The following PLEKHO2 variants were observed in gnomAD, a reference collection of about 807,000 sequenced individuals.
PLEKHO2 encodes the protein pleckstrin homology domain containing O2, also known as pleckstrin homology domain-containing family O member 2.
In PLEKHO2, 20 loss-of-function variants were observed where a neutral mutation model predicts 32.7. The ratio of observed to expected loss-of-function variants is 0.61; its 90% CI spans 0.43 to 0.89. PLEKHO2 has a LOEUF of 0.89. PLEKHO2 is among the 40% of genes least tolerant of loss of function. The pLI is 0.00. For synonymous variants in PLEKHO2, 247 were observed against 246.3 expected, an observed-to-expected ratio of 1.00 and a Z score of -0.03; for missense variants, 568 against 621.2, an observed-to-expected ratio of 0.91 and a Z score of 0.91.
At chr15:64,844,966 A>G (rs888222910) in intron 1 of PLEKHO2, among the ~76,000 whole-genome samples, 1 of 152,144 alleles carries the variant, frequency 6.6e-6, no homozygotes, top group African/African-American at 2.4e-5. Context: ...CCCACCTCAG[A>G]CTGAAGGTTG....
At chr15:64,857,523 T>C (rs1024552021) in intron 3 of PLEKHO2, among the ~76,000 whole-genome samples, 7 of 152,168 alleles carry the variant, frequency 4.6e-5, no homozygotes, top group Non-Finnish European at 7.4e-5. Flanking sequence ...TTTGTAGAGA[T>C]GGGGTCTCAC....
At chr15:64,846,971 A>G (rs940819114) in intron 1 of PLEKHO2, among the ~76,000 whole-genome samples, 1 of 152,262 alleles carries the variant, frequency 6.6e-6, no homozygotes, top group Non-Finnish European at 1.5e-5. Flanking sequence ...AGGAGTGAAC[A>G]AAACAAAAAT....
At chr15:64,861,733 C>T (rs1033942916) in intron 5 of PLEKHO2, among the ~76,000 whole-genome samples, 158 bp downstream of exon 5, 3 of 152,156 alleles carry the variant, frequency 2.0e-5, no homozygotes, top group African/African-American at 4.8e-5. Context: ...CTGTGTTACA[C>T]GTGCTCAGGG....
At chr15:64,848,450 C>T (rs1199521689) in intron 1 of PLEKHO2, 143 bp from the exon 2 acceptor site, 39 of 889,318 alleles carry the variant, frequency 4.4e-5, no homozygotes, top group Non-Finnish European at 6.6e-5. Context: ...GGAATATCTG[C>T]CTTGGGGGTT....
chr15:64,856,415 G>T (rs774275999), intron 3 of PLEKHO2, among the ~76,000 whole-genome samples: 4 of 152,102 alleles, frequency 2.6e-5, no homozygotes, highest in Non-Finnish European at 5.9e-5. Flanking sequence ...ATGTGGATGT[G>T]GGGTGGAGGG....
At position 64,865,734 on chromosome 15, in the gene PLEKHO2, C is replaced by T; in HGVS notation, c.1319C>T (p.Ala440Val). Residue 440 changes from alanine to valine, a missense_variant, in exon 6 of 6, where the codon GCC becomes GTC. Ala to Val is a moderately conservative substitution (Grantham distance 64, BLOSUM62 0). Coordinates refer to ENST00000323544, the MANE Select transcript of PLEKHO2 (RefSeq NM_025201.5). ...VLGSEPAPVS[A>V]ETLLSQAVEQ... Reference sequence around the variant, plus strand: ...GGCAGTGAGCCGGCCCCTGTTAGTGCCGAAACATTGCTCAGCCAGGCTGTG... The same window carrying T: ...GGCAGTGAGCCGGCCCCTGTTAGTGTCGAAACATTGCTCAGCCAGGCTGTG... The T allele has an allele frequency of 3.1e-6, 5 of 1,614,194 alleles. No homozygotes were observed. The highest frequency in any genetic ancestry group is 4.2e-6 in the Non-Finnish European group (5 of 1,180,018).
chr15:64,853,545 C>T (rs902819669), intron 2 of PLEKHO2, among the ~76,000 whole-genome samples: 48 of 152,076 alleles, frequency 3.2e-4, no homozygotes, highest in Non-Finnish European at 2.6e-4. Flanking sequence ...CTGCCCGCCT[C>T]GGCCTCCCAA....
rs2084688813 is a variant in PLEKHO2 at position 64,866,462 on chromosome 15, T to C, written c.*574T>C. ...GAACGTAGGACCCAGCTGGAGCCTC[T>C]TGAGGGAGATGAGAGGCCTCTTTGT... is the stretch of plus-strand genomic sequence containing the variant. On this transcript the variant is annotated 3_prime_UTR_variant, in exon 6 of 6. Coordinates refer to ENST00000323544, the MANE Select transcript of PLEKHO2 (RefSeq NM_025201.5). 2.2e-6 allele frequency: 1 copy of C among 452,232 alleles called. No individual in the cohort carries two copies. Among genetic ancestry groups the C allele is most frequent in the South Asian group, 1.6e-5 (1 of 64,178 alleles). 28.0% of individuals were successfully genotyped at this position (452,232 alleles called of 1,614,324 possible). A position where few individuals can be genotyped will look rare whatever the true frequency, so the allele number is the denominator to read the frequency against.
intron 1 of PLEKHO2, among the ~76,000 whole-genome samples, chr15:64,847,200 A>T (rs1022732483): frequency 3.9e-5 from 6 of 152,230 alleles, no homozygotes; most frequent in Admixed American, 1.3e-4. Context: ...GACAGAGACC[A>T]GGGAAGCCAG....
intron 2 of PLEKHO2, among the ~76,000 whole-genome samples, chr15:64,850,550 A>C (rs577343199): frequency 2.3e-4 from 35 of 152,338 alleles, no homozygotes; most frequent in African/African-American, 8.2e-4. Context: ...CTCTAGATGC[A>C]CAGGGGTAAA....
chr15:64,862,295 G>T (rs371967464), intron 5 of PLEKHO2, among the ~76,000 whole-genome samples: 1 of 151,946 alleles, frequency 6.6e-6, no homozygotes, highest in Non-Finnish European at 1.5e-5. Flanking sequence ...GGAAGGAGGT[G>T]GGGGAGGCGG....
At chr15:64,844,212 G>C (rs1291076504) in intron 1 of PLEKHO2, among the ~76,000 whole-genome samples, 1 of 152,132 alleles carries the variant, frequency 6.6e-6, no homozygotes, top group East Asian at 1.9e-4. Context: ...CTTCCTCCCT[G>C]TGCCCGGCCA....
chr15:64,850,438 T>A lies in PLEKHO2; in HGVS notation c.162+1696T>A, dbSNP rs555152241. On this transcript the variant is annotated intron_variant, in intron 2 of 5. Transcript: ENST00000323544. ...TTGTTAGAAAATCTCTAAAATATGT[T>A]AAATATTCTCCGCTTTCTTCAACAG... Among the ~76,000 whole-genome samples, 18 of 152,324 alleles carry A rather than the reference T, an allele frequency of 1.2e-4. No homozygotes were observed. In the South Asian group the frequency reaches 2.5e-3, roughly 21 times the overall value.
chr15:64,850,600 G>A (rs777874266), intron 2 of PLEKHO2, among the ~76,000 whole-genome samples: 1 of 152,154 alleles, frequency 6.6e-6, no homozygotes, highest in Non-Finnish European at 1.5e-5. Flanking sequence ...GCAGGAGGCT[G>A]TACTTCTCAT....
At chr15:64,857,143 C>T (rs1457287870) in intron 3 of PLEKHO2, among the ~76,000 whole-genome samples, 5 of 152,224 alleles carry the variant, frequency 3.3e-5, no homozygotes, top group African/African-American at 1.2e-4. Flanking sequence ...CTCTTCCCCT[C>T]CCACTTTTTT....
In PLEKHO2 at chr15:64,861,899, T is replaced by C. The variant is rs192123688; in HGVS notation, c.483+324T>C. Among the ~76,000 whole-genome samples, 12 of 152,274 alleles carry C rather than the reference T, an allele frequency of 7.9e-5. No individual in the cohort carries two copies. The East Asian group carries it at 2.3e-3, about 29-fold the overall frequency. On this transcript the variant is annotated intron_variant, in intron 5 of 5. Transcript: ENST00000323544. Reference sequence around the variant, plus strand: ...TCGTCTTCCAGCTGAAAAATAGGCCTATCCCACAGACTGCTCCATGCAAAG... The same window carrying C: ...TCGTCTTCCAGCTGAAAAATAGGCCCATCCCACAGACTGCTCCATGCAAAG...
intron 2 of PLEKHO2, among the ~76,000 whole-genome samples, chr15:64,853,477 G>T (rs1383049106): frequency 1.3e-5 from 2 of 151,160 alleles, no homozygotes; most frequent in Non-Finnish European, 3.0e-5. Context: ...ATTTTTTTTA[G>T]TAGAGATGGG....
At chr15:64,858,839 G>T (rs1464127518) in intron 3 of PLEKHO2, among the ~76,000 whole-genome samples, 6 of 152,088 alleles carry the variant, frequency 3.9e-5, no homozygotes, top group Non-Finnish European at 8.8e-5. Flanking sequence ...ATACATTCAT[G>T]GTGTTGTACA....
rs757276011 is a variant in PLEKHO2 at position 64,864,930 on chromosome 15, G to A, written c.515G>A (p.Arg172His). 97 of 1,612,506 alleles carry A rather than the reference G, an allele frequency of 6.0e-5. No individual in the cohort carries two copies. Among genetic ancestry groups the A allele is most frequent in the South Asian group, 7.7e-5 (7 of 91,022 alleles). ...AGTGCAGCTTCTGACGGTCTTCTGC[G>A]CCTGGATCTTGATGTTCCGGACAGT... The part of the protein sequence containing the change: ...VASAASDGLL[R>H]LDLDVPDSGP... The change falls in exon 6 of 6, where the codon CGC (arginine) becomes CAC (histidine). Residue 172 changes from arginine (R) to histidine (H), a missense_variant. Physicochemically the swap from Arg to His is conservative, Grantham distance 29. Coordinates refer to ENST00000323544, the MANE Select transcript of PLEKHO2 (RefSeq NM_025201.5).
Sources: allele counts gnomAD v4.1 joint callset (sites outside exome capture counted in the v4.1 genomes callset), GRCh38; gene constraint gnomAD v4.1.1; transcripts MANE v1.5; gene names NCBI Gene and HGNC (gene_info 2026-07-23, HGNC 2026-07-21).